PPP1R15B: variants seen among roughly 807,000 people sequenced by gnomAD.
PPP1R15B encodes the protein protein phosphatase 1 regulatory subunit 15B.
A neutral mutation model predicts 53.9 loss-of-function variants in PPP1R15B; 31 were observed. That is an observed-to-expected ratio of 0.58 (90% CI 0.43 to 0.78). The LOEUF is 0.78. Ranked by LOEUF, PPP1R15B falls within the 30% of genes least tolerant of loss-of-function variation. PPP1R15B has a pLI of 0.00. For missense variants in PPP1R15B, 928 were observed against 849.6 expected, an observed-to-expected ratio of 1.09 and a Z score of -1.15; for synonymous variants, 345 against 329.1, an observed-to-expected ratio of 1.05 and a Z score of -0.52.
downstream of PPP1R15B, among the ~76,000 whole-genome samples, chr1:204,397,287 G>C (rs567206210): frequency 1.3e-5 from 2 of 152,210 alleles, no homozygotes; most frequent in Admixed American, 1.3e-4. Context: ...CACTTTGGAA[G>C]GCCAAGGCAG....
chr1:204,410,155 T>C lies in PPP1R15B; in HGVS notation c.1257A>G (p.Pro419=). ...LEGDLPISAR[P]ACSNKLIDYI... is the part of the protein sequence containing the mutation. ...AATCTATCAGTTTGTTACTACAAGCTGGTCTGGCAGAAATGGGAAGGTCAC... is the reference window on the plus strand; with the variant it reads ...AATCTATCAGTTTGTTACTACAAGCCGGTCTGGCAGAAATGGGAAGGTCAC... The change falls in exon 1 of 2, where the codon CCA becomes CCG. Residue 419 remains proline, a synonymous_variant. Transcript: ENST00000367188. The C allele has an allele frequency of 6.2e-7, 1 of 1,614,008 alleles. No homozygotes were observed.
In PPP1R15B at chr1:204,410,575, C is replaced by T. The variant is rs755470472; in HGVS notation, c.837G>A (p.Trp279Ter). The T allele has an allele frequency of 1.2e-6, 2 of 1,613,874 alleles. No individual in the cohort carries two copies. The highest frequency in any genetic ancestry group is 1.7e-6 in the Non-Finnish European group (2 of 1,179,834). The change falls in exon 1 of 2, where the codon TGG becomes TGA. Residue 279 changes from tryptophan to a stop codon, truncating the protein, a stop_gained. Transcript: ENST00000367188. LOFTEE classifies it high-confidence loss of function. Reference protein sequence around the residue: ...PLSAELIPASWQGCPPLSTEG... With the variant: ...PLSAELIPAS Reference sequence around the variant, plus strand: ...CCGTAGAAAGAGGTGGACATCCCTGCCACGAGGCCGGAATGAGTTCTGCAC... The same window carrying T: ...CCGTAGAAAGAGGTGGACATCCCTGTCACGAGGCCGGAATGAGTTCTGCAC...
chr1:204,401,026 C>G (rs138076774), downstream of PPP1R15B, among the ~76,000 whole-genome samples: 1 of 152,332 alleles, frequency 6.6e-6, no homozygotes, highest in African/African-American at 2.4e-5. Context: ...AACCTAGTTT[C>G]CCCTGTCTCT....
Position 204,410,593 on chromosome 1 carries a change from T to G in PPP1R15B, c.819A>C (p.Glu273Asp), listed in dbSNP as rs775549963. The change falls in exon 1 of 2, where the codon GAA becomes GAC. Residue 273 changes from glutamate (E) to aspartate (D), a missense_variant. Transcript: ENST00000367188. ...DHCHPQPLSAELIPASWQGCP... is the reference protein window; with the variant it reads ...DHCHPQPLSADLIPASWQGCP... ...ATCCCTGCCACGAGGCCGGAATGAG[T>G]TCTGCACTCAGCGGCTGGGGATGAC... 13 of 1,613,770 alleles carry G rather than the reference T, an allele frequency of 8.1e-6. No homozygotes were observed. In the African/African-American group the frequency reaches 1.5e-4, roughly 18 times the overall value.
At position 204,406,038 on chromosome 1, in the gene PPP1R15B, G is replaced by T; in HGVS notation, c.*54C>A. On this transcript the variant is annotated 3_prime_UTR_variant, in exon 2 of 2. Coordinates refer to ENST00000367188, the MANE Select transcript of PPP1R15B (RefSeq NM_032833.5). ...CAGCTGCCAAGATTTGTTTTTAAAA[G>T]ACACCTCTCAGGTAAGAGGTAGTGT... 1 of 1,549,516 alleles carries T rather than the reference G, an allele frequency of 6.5e-7. No homozygotes were observed. Among genetic ancestry groups the T allele is most frequent in the South Asian group, 1.2e-5 (1 of 82,758 alleles).
In PPP1R15B at chr1:204,409,670, T is replaced by C. The variant is rs2103447466; in HGVS notation, c.1742A>G (p.Asn581Ser). 1 of 1,614,064 alleles carries C rather than the reference T, an allele frequency of 6.2e-7. No individual in the cohort carries two copies. The highest frequency in any genetic ancestry group is 2.2e-5 in the East Asian group (1 of 44,882). ...CTTTGAGTCACGACAGCCTTTCTCATTTTCCCCTGATGTTTGAAAAGGAGC... is the reference window on the plus strand; with the variant it reads ...CTTTGAGTCACGACAGCCTTTCTCACTTTCCCCTGATGTTTGAAAAGGAGC... ...FKAPFQTSGE[N>S]EKGCRDSKTP... Residue 581 changes from asparagine to serine, a missense_variant, in exon 1 of 2, where the codon AAT becomes AGT. Transcript: ENST00000367188.
chr1:204,411,490 CAG>C lies in PPP1R15B; in HGVS notation c.-81_-80del, dbSNP rs1674378906. The C allele has an allele frequency of 6.5e-7, 1 of 1,535,234 alleles. No individual in the cohort carries two copies. Among genetic ancestry groups the C allele is most frequent in the Non-Finnish European group, 8.7e-7 (1 of 1,146,750 alleles). On this transcript the variant is annotated 5_prime_UTR_variant, in exon 1 of 2. It removes the in-frame stop codon of an upstream open reading frame in the 5' UTR. Transcript: ENST00000367188. ...GTCGACGGGATTCGGAGGAAGCCTA[CAG>C]AGTCTCGGCCTTGCCCAGCGGTGGC...
Position 204,411,238 on chromosome 1 carries a change from A to T in PPP1R15B, c.174T>A (p.Thr58=). ...PTLLSSAQPE[T]RVSYWTKLLS... ...GCAGTTTCGTCCAGTAACTGACCCGAGTCTCGGGCTGGGCAGAGGAAAGCA... is the reference window on the plus strand; with the variant it reads ...GCAGTTTCGTCCAGTAACTGACCCGTGTCTCGGGCTGGGCAGAGGAAAGCA... Residue 58 remains threonine, a synonymous_variant, in exon 1 of 2, where the codon ACT becomes ACA. Transcript: ENST00000367188. The T allele has an allele frequency of 6.2e-7, 1 of 1,614,206 alleles. No homozygotes were observed. The highest frequency in any genetic ancestry group is 8.5e-7 in the Non-Finnish European group (1 of 1,180,046).
In PPP1R15B at chr1:204,405,081, G is replaced by C. The variant is rs1007370119; in HGVS notation, c.*1011C>G. On this transcript the variant is annotated 3_prime_UTR_variant, in exon 2 of 2. Coordinates refer to ENST00000367188, the MANE Select transcript of PPP1R15B (RefSeq NM_032833.5). ...AGAACTGCCCATTTCCAATTTTACA[G>C]TGGGATCCTGACAGGTTTTAAAAGT... The C allele has an allele frequency of 1.0e-6, 1 of 985,620 alleles. No individual in the cohort carries two copies. Among genetic ancestry groups the C allele is most frequent in the African/African-American group, 1.7e-5 (1 of 57,216 alleles). 61.1% of individuals were successfully genotyped at this position (985,620 alleles called of 1,614,324 possible).
chr1:204,405,926 G>C lies in PPP1R15B; in HGVS notation c.*166C>G. 7.1e-7 allele frequency: 1 copy of C among 1,413,690 alleles called. No homozygotes were observed. Among genetic ancestry groups the C allele is most frequent in the Non-Finnish European group, 9.2e-7 (1 of 1,087,458 alleles). The allele number at this position is 1,413,690 out of a possible 1,614,324, so 87.6% of individuals were successfully genotyped here. On this transcript the variant is annotated 3_prime_UTR_variant, in exon 2 of 2. Transcript: ENST00000367188. ...CATTATCAGGGCTGGCTTCAAACCTGAATGTTTCTGAGTGGGATATGTTGC... is the reference window on the plus strand; with the variant it reads ...CATTATCAGGGCTGGCTTCAAACCTCAATGTTTCTGAGTGGGATATGTTGC...
At position 204,411,218 on chromosome 1, in the gene PPP1R15B, T is replaced by C. The variant is rs765418681; in HGVS notation, c.194A>G (p.Lys65Arg). 8.1e-6 allele frequency: 13 copies of C among 1,614,116 alleles called. No individual in the cohort carries two copies. ...QPETRVSYWT[K>R]LLSQLLAPLP... ...CGGCGCAAGGAGCTGGGAGAGCAGT[T>C]TCGTCCAGTAACTGACCCGAGTCTC... The change falls in exon 1 of 2, where the codon AAA (lysine) becomes AGA (arginine). Residue 65 changes from lysine (K) to arginine (R), a missense_variant. By Grantham distance (26) the Lys-to-Arg change is conservative. Coordinates refer to ENST00000367188, the MANE Select transcript of PPP1R15B (RefSeq NM_032833.5).
Position 204,411,184 on chromosome 1 carries a change from T to G in PPP1R15B, c.228A>C (p.Gly76=). Residue 76 remains glycine, a synonymous_variant, in exon 1 of 2, where the codon GGA becomes GGC. Transcript: ENST00000367188. ...LLSQLLAPLP[G]LLQKVLIWSQ... is the part of the protein sequence containing the mutation. The stretch of plus-strand genomic sequence containing the variant: ...TCCAAATTAGCACCTTCTGAAGCAA[T>G]CCGGGGAGCGGCGCAAGGAGCTGGG... 1 of 1,614,130 alleles carries G rather than the reference T, an allele frequency of 6.2e-7. No individual in the cohort carries two copies. Among genetic ancestry groups the G allele is most frequent in the Admixed American group, 1.7e-5 (1 of 60,022 alleles).
chr1:204,402,969 G>A (rs894945975), downstream of PPP1R15B, among the ~76,000 whole-genome samples: 2 of 152,096 alleles, frequency 1.3e-5, no homozygotes, highest in Non-Finnish European at 2.9e-5. Context: ...CTACTCGGGA[G>A]GCTGAGGCAG....
chr1:204,396,825 C>T (rs934043293), downstream of PPP1R15B, among the ~76,000 whole-genome samples: 1 of 152,126 alleles, frequency 6.6e-6, no homozygotes, highest in African/African-American at 2.4e-5. Context: ...AGGATACAAA[C>T]TTTCAGTGAG....
chr1:204,403,532 T>C lies in PPP1R15B; in HGVS notation c.*2560A>G, dbSNP rs1310900832. The C allele has an allele frequency of 2.1e-6, 2 of 974,242 alleles. No homozygotes were observed. The highest frequency in any genetic ancestry group is 2.4e-6 in the Non-Finnish European group (2 of 819,408). The allele number at this position is 974,242 out of a possible 1,614,324, so 60.3% of individuals were successfully genotyped here. ...TTTAGAGTCTTCTAGTCCCCTAACT[T>C]TACCTTCCTTAAATTATACAAAAAT... On this transcript the variant is annotated 3_prime_UTR_variant, in exon 2 of 2. Transcript: ENST00000367188.
rs140665142 is a variant in PPP1R15B at position 204,403,584 on chromosome 1, TAA to T, written c.*2506_*2507del. The T allele has an allele frequency of 0.011, 10,373 of 984,968 alleles. 145 individuals carry two copies. The highest frequency in any genetic ancestry group is 0.05 in the African/African-American group (2,870 of 57,310). The allele number at this position is 984,968 out of a possible 1,614,324, so 61.0% of individuals were successfully genotyped here. A position where few individuals can be genotyped will look rare whatever the true frequency, so the allele number is the denominator to read the frequency against. ...AAATCTGATAGTTTTGATTTCAAGT[TAA>T]AGATGAAGAAGTGTTACATTTCATC... On this transcript the variant is annotated 3_prime_UTR_variant, in exon 2 of 2. Transcript: ENST00000367188.
chr1:204,411,145 A>G lies in PPP1R15B; in HGVS notation c.267T>C (p.Gly89=), dbSNP rs1674367743. 1 of 1,614,108 alleles carries G rather than the reference A, an allele frequency of 6.2e-7. No homozygotes were observed. Among genetic ancestry groups the G allele is most frequent in the Non-Finnish European group, 8.5e-7 (1 of 1,180,052 alleles). The change falls in exon 1 of 2, where the codon GGT becomes GGC. Residue 89 remains glycine, a synonymous_variant. Transcript: ENST00000367188. Reference sequence around the variant, plus strand: ...CTAGCCATCTGGTCGGAAACATTCCACCGAAAAGTTGGCTCCAAATTAGCA... The same window carrying G: ...CTAGCCATCTGGTCGGAAACATTCCGCCGAAAAGTTGGCTCCAAATTAGCA... The part of the protein sequence containing the change: ...QKVLIWSQLF[G]GMFPTRWLDF...
chr1:204,411,493 A>T lies in PPP1R15B; in HGVS notation c.-82T>A. On this transcript the variant is annotated 5_prime_UTR_variant, in exon 1 of 2. Transcript: ENST00000367188. ...GACGGGATTCGGAGGAAGCCTACAG[A>T]GTCTCGGCCTTGCCCAGCGGTGGCG... is the stretch of plus-strand genomic sequence containing the variant. The T allele has an allele frequency of 1.3e-6, 2 of 1,518,144 alleles. No homozygotes were observed. Among genetic ancestry groups the T allele is most frequent in the Non-Finnish European group, 1.8e-6 (2 of 1,138,324 alleles). The allele number at this position is 1,518,144 out of a possible 1,614,324, so 94.0% of individuals were successfully genotyped here. A position where few individuals can be genotyped will look rare whatever the true frequency, so the allele number is the denominator to read the frequency against.
At chr1:204,409,386 T>C in intron 1 of PPP1R15B, 106 bp downstream of exon 1, 1 of 1,274,520 alleles carries the variant, frequency 7.8e-7, no homozygotes, top group Non-Finnish European at 1.1e-6. Context: ...TTAGAGGCCT[T>C]CCTCAAAAAT....
Sources: allele counts gnomAD v4.1 joint callset (sites outside exome capture counted in the v4.1 genomes callset), GRCh38; gene constraint gnomAD v4.1.1; transcripts MANE v1.5; gene names NCBI Gene and HGNC (gene_info 2026-07-23, HGNC 2026-07-21).